Variants in NTM observed in about 807,000 individuals in gnomAD.
NTM encodes the protein neurotrimin, also known as IgLON family member 2.
A neutral mutation model predicts 42.1 loss-of-function variants in NTM; 13 were observed. That is an observed-to-expected ratio of 0.31 (90% CI 0.20 to 0.49). NTM has a LOEUF of 0.49. Ranked by LOEUF, NTM falls within the 20% of genes least tolerant of loss-of-function variation. NTM has a pLI of 0.99. For synonymous variants in NTM, 187 were observed against 179.2 expected, an observed-to-expected ratio of 1.04 and a Z score of -0.35; for missense variants, 373 against 452.8, an observed-to-expected ratio of 0.82 and a Z score of 1.60.
chr11:131,393,599 C>T (rs1057316229), intron 1 of NTM, among the ~76,000 whole-genome samples: 32 of 152,194 alleles, frequency 2.1e-4, no homozygotes, highest in African/African-American at 7.5e-4. Context: ...CTCCTACTGC[C>T]CCCACCACCA....
At chr11:131,463,585 TTACA>T (rs766464743) in intron 1 of NTM, among the ~76,000 whole-genome samples, 18 of 152,238 alleles carry the variant, frequency 1.2e-4, no homozygotes, top group Non-Finnish European at 2.1e-4. Flanking sequence ...AAATATCCTA[TTACA>T]TACTTATTAA....
intron 1 of NTM, among the ~76,000 whole-genome samples, chr11:131,726,715 T>C (rs2079015175): frequency 6.6e-6 from 1 of 151,048 alleles, no homozygotes; most frequent in Non-Finnish European, 1.5e-5. Context: ...TTGCTCTTTT[T>C]TGTTTGTTTT....
At chr11:131,893,315 A>G (rs2051684936) in intron 1 of NTM, among the ~76,000 whole-genome samples, 1 of 152,232 alleles carries the variant, frequency 6.6e-6, no homozygotes, top group Non-Finnish European at 1.5e-5. Context: ...ATACAGGTAT[A>G]TAAATGAGTC....
intron 3 of NTM, among the ~76,000 whole-genome samples, chr11:132,193,384 A>G (rs1407162222): frequency 6.6e-6 from 1 of 152,190 alleles, no homozygotes; most frequent in African/African-American, 2.4e-5. Flanking sequence ...TGGAAGTTAA[A>G]CAACCTGCTC....
At chr11:131,374,396 G>C (rs1479591801) in intron 1 of NTM, among the ~76,000 whole-genome samples, 2 of 152,222 alleles carry the variant, frequency 1.3e-5, no homozygotes, top group Non-Finnish European at 2.9e-5. Context: ...TGAAACTGCA[G>C]CTTTAGTTAC....
intron 1 of NTM, among the ~76,000 whole-genome samples, chr11:131,496,797 C>G (rs140361696): frequency 2.4e-3 from 366 of 152,276 alleles, no homozygotes; most frequent in African/African-American, 8.6e-3. Flanking sequence ...CTATCTCCTT[C>G]AAATGAAAGC....
chr11:131,557,189 A>G (rs1471253993), intron 1 of NTM, among the ~76,000 whole-genome samples: 2 of 152,190 alleles, frequency 1.3e-5, no homozygotes, highest in Admixed American at 6.5e-5. Flanking sequence ...TTGAGTAACT[A>G]AAGTAGGGTA....
At chr11:131,649,385 A>G (rs1490118461) in intron 1 of NTM, among the ~76,000 whole-genome samples, 1 of 152,216 alleles carries the variant, frequency 6.6e-6, no homozygotes, top group Non-Finnish European at 1.5e-5. Context: ...GTATGGGAAT[A>G]AGTATTGAAC....
At chr11:131,663,714 T>C (rs1268867419) in intron 1 of NTM, 1 of 152,214 alleles carries the variant, frequency 6.6e-6, no homozygotes, top group African/African-American at 2.4e-5. Context: ...ACTCTCTCTT[T>C]GGACAAGGAT....
At chr11:131,412,587 A>G (rs570481766) in intron 1 of NTM, among the ~76,000 whole-genome samples, 1 of 152,306 alleles carries the variant, frequency 6.6e-6, no homozygotes, top group South Asian at 2.1e-4. Context: ...TAGCAAAAGT[A>G]AAAAAGTTTG....
chr11:131,715,219 G>A (rs928336705), intron 1 of NTM, among the ~76,000 whole-genome samples: 6 of 152,188 alleles, frequency 3.9e-5, no homozygotes, highest in Non-Finnish European at 7.3e-5. Flanking sequence ...AGAGAAAGAG[G>A]CAGTGCATAA....
intron 1 of NTM, among the ~76,000 whole-genome samples, chr11:131,847,806 A>C (rs986743252): frequency 6.6e-6 from 1 of 152,244 alleles, no homozygotes; most frequent in African/African-American, 2.4e-5. Context: ...GGGGAGGAAG[A>C]CATGCATATA....
intron 3 of NTM, among the ~76,000 whole-genome samples, chr11:132,173,699 G>A (rs1244040412): frequency 2.0e-5 from 3 of 152,166 alleles, no homozygotes; most frequent in African/African-American, 4.8e-5. Flanking sequence ...TTCATTCCAT[G>A]TTCCAAGTGA....
chr11:131,598,683 T>TTTTCTTTCTTTCTTTCTTTCTTTC (rs199821939), intron 1 of NTM, among the ~76,000 whole-genome samples: 1 of 74,812 alleles, frequency 1.3e-5, no homozygotes, highest in East Asian at 4.6e-4. Context: ...TTCTCATTTG[T>TTTTCTTTCTTTCTTTCTTTCTTTC]TTTCTTTCTT....
intron 1 of NTM, among the ~76,000 whole-genome samples, chr11:131,524,507 G>T (rs111982475): frequency 0.011 from 1,722 of 152,298 alleles, 35 homozygotes; most frequent in African/African-American, 0.04. Context: ...ATCCACCAGG[G>T]TCATGCTCTA....
chr11:131,514,692 C>T (rs569266133), intron 1 of NTM, among the ~76,000 whole-genome samples: 26 of 152,208 alleles, frequency 1.7e-4, no homozygotes, highest in African/African-American at 6.0e-4. Context: ...AATCCTCCCA[C>T]CTCAGCCTCC....
intron 1 of NTM, among the ~76,000 whole-genome samples, chr11:131,428,880 C>CAAA (rs35312475): frequency 1.9e-4 from 16 of 83,986 alleles, no homozygotes; most frequent in African/African-American, 5.1e-4. Flanking sequence ...ACTAAAAATA[C>CAAA]AAAAAAAAAA....
intron 2 of NTM, among the ~76,000 whole-genome samples, chr11:132,089,514 A>G (rs1007553113): frequency 2.0e-5 from 3 of 152,190 alleles, no homozygotes; most frequent in Non-Finnish European, 4.4e-5. Context: ...AGACTATGGC[A>G]TTTGCTATTG....
At chr11:131,826,938 G>A (rs2042208037) in intron 1 of NTM, among the ~76,000 whole-genome samples, 1 of 152,146 alleles carries the variant, frequency 6.6e-6, no homozygotes, top group Non-Finnish European at 1.5e-5. Flanking sequence ...CTGGAGTGCA[G>A]AAGAAAGGTC....
Sources: gnomAD v4.1 joint callset for allele counts (sites outside exome capture counted in the v4.1 genomes callset) on GRCh38, gnomAD v4.1.1 for gene constraint, MANE v1.5 for transcripts, NCBI Gene and HGNC (gene_info 2026-07-23, HGNC 2026-07-21) for gene names.